CDH4: variants seen among roughly 807,000 people sequenced by gnomAD.
CDH4 encodes cadherin 4, also known as cadherin-4.
Under a neutral mutation model 86.0 loss-of-function variants are expected in CDH4, and 33 were observed. That is an observed-to-expected ratio of 0.38 (90% CI 0.29 to 0.51). CDH4 has a LOEUF of 0.51. CDH4 is among the 20% of genes least tolerant of loss of function. The pLI, the probability that CDH4 is intolerant of heterozygous loss-of-function variation, is 0.86. For synonymous variants in CDH4, 555 were observed against 549.4 expected (o/e 1.01, Z -0.14); for missense variants, 1,114 against 1,307.4 (o/e 0.85, Z 2.28).
chr20:61,684,584 G>C lies in CDH4; in HGVS notation c.170-58979G>C, dbSNP rs969862838. The stretch of plus-strand genomic sequence containing the variant: ...GCTGGGAATCCTGGGCTCCGTCCTG[G>C]GGGCTGAAAGGCTCCTGGGGGTTCA... On this transcript the variant is annotated intron_variant, in intron 2 of 15. Transcript: ENST00000614565. The surrounding 1 kb of genome is among the most constrained non-coding windows in gnomAD (Gnocchi z 4.5). Among the ~76,000 whole-genome samples, 4 of 152,160 alleles carry C rather than the reference G, an allele frequency of 2.6e-5. No homozygotes were observed. The highest frequency in any genetic ancestry group is 9.7e-5 in the African/African-American group (4 of 41,422).
At chr20:61,563,737 C>T (rs1159053262) in intron 2 of CDH4, among the ~76,000 whole-genome samples, 1 of 152,222 alleles carries the variant, frequency 6.6e-6, no homozygotes, top group African/African-American at 2.4e-5. Flanking sequence ...AACACAGGGA[C>T]AGCTCACCTT....
intron 4 of CDH4, among the ~76,000 whole-genome samples, chr20:61,843,068 T>A (rs1323401960): frequency 6.6e-6 from 1 of 152,210 alleles, no homozygotes; most frequent in Non-Finnish European, 1.5e-5. Context: ...ATTGTATCAT[T>A]TCAGTAAAAG....
intron 2 of CDH4, among the ~76,000 whole-genome samples, chr20:61,543,950 C>A (rs910771224): frequency 1.3e-5 from 2 of 152,214 alleles, no homozygotes; most frequent in African/African-American, 4.8e-5. Flanking sequence ...TTTCTGTCAT[C>A]TGCAAAGATA....
chr20:61,929,790 T>C lies in CDH4; in HGVS notation c.2187T>C (p.Gly729=), dbSNP rs141617263. Reference sequence around the variant, plus strand: ...CCATTGGCGCAGTGGCAGCGGCTGGTCTGGGCACCGGTGCCATCGTGGCCA... The same window carrying C: ...CCATTGGCGCAGTGGCAGCGGCTGGCCTGGGCACCGGTGCCATCGTGGCCA... ...CTTIGAVAAA[G]LGTGAIVAIL... Residue 729 remains glycine, a synonymous_variant, in exon 13 of 16, where the codon GGT becomes GGC. Transcript: ENST00000614565. 142 of 1,613,576 alleles carry C rather than the reference T, an allele frequency of 8.8e-5. No individual in the cohort carries two copies. The highest frequency in any genetic ancestry group is 1.1e-4 in the Non-Finnish European group (131 of 1,180,034).
chr20:61,735,086 G>A (rs756720562), intron 2 of CDH4, among the ~76,000 whole-genome samples: 2 of 152,106 alleles, frequency 1.3e-5, no homozygotes, highest in Non-Finnish European at 2.9e-5. Flanking sequence ...GAGGGGTCGT[G>A]GAGGAGGGAC....
chr20:61,749,474 A>G (rs924121899), intron 3 of CDH4, among the ~76,000 whole-genome samples: 4 of 152,254 alleles, frequency 2.6e-5, no homozygotes, highest in Admixed American at 2.0e-4. Context: ...AACATACTTC[A>G]TAGCCTTCAA....
At chr20:61,444,068 G>C (rs200287890) in intron 2 of CDH4, among the ~76,000 whole-genome samples, 1 of 32,974 alleles carries the variant, frequency 3.0e-5, no homozygotes. Context: ...GTCTGTGTGT[G>C]TGTCTGTGTG....
chr20:61,305,887 C>T (rs761129080), intron 2 of CDH4, among the ~76,000 whole-genome samples: 4 of 152,302 alleles, frequency 2.6e-5, no homozygotes, highest in Admixed American at 6.5e-5. Context: ...GAGTGAAGAT[C>T]GGCCCACGGA....
At chr20:61,477,980 A>G (rs1278444169) in intron 2 of CDH4, among the ~76,000 whole-genome samples, 2 of 152,212 alleles carry the variant, frequency 1.3e-5, no homozygotes, top group Non-Finnish European at 2.9e-5. Flanking sequence ...AGACACCAAC[A>G]TAGTTTATGA....
At chr20:61,444,803 A>T (rs2085338478) in intron 2 of CDH4, among the ~76,000 whole-genome samples, 2 of 136,734 alleles carry the variant, frequency 1.5e-5, no homozygotes, top group East Asian at 2.2e-4. Context: ...ATCCGTATGT[A>T]TGTGTATCTT....
intron 2 of CDH4, among the ~76,000 whole-genome samples, chr20:61,466,064 G>C (rs2427119): frequency 6.6e-6 from 1 of 151,904 alleles, no homozygotes; most frequent in Non-Finnish European, 1.5e-5. Context: ...AGCTCACCAC[G>C]TGGATTGCAT....
Position 61,443,898 on chromosome 20 carries a change from G to C in CDH4, c.169+188961G>C, listed in dbSNP as rs1197379882. 2.6e-5 allele frequency among the ~76,000 whole-genome samples: 4 copies of C among 151,588 alleles called. No individual in the cohort carries two copies. The East Asian group carries it at 7.7e-4, about 29-fold the overall frequency. ...TCTCTGTGTGTCTGTGTATGTGTCT[G>C]TGTGTGTGTATGTCTGTATCTCTGT... On this transcript the variant is annotated intron_variant, in intron 2 of 15. Coordinates refer to ENST00000614565, the MANE Select transcript of CDH4 (RefSeq NM_001794.5).
intron 3 of CDH4, 95 bp from the exon 4 acceptor site, chr20:61,772,908 C>T: frequency 9.1e-7 from 1 of 1,094,768 alleles, no homozygotes; most frequent in Non-Finnish European, 1.3e-6. Flanking sequence ...CCCTCTCAGT[C>T]TCGGGCAGTA....
Position 61,326,027 on chromosome 20 carries a change from G to A in CDH4, c.169+71090G>A, listed in dbSNP as rs149306701. Among the ~76,000 whole-genome samples, 24 of 152,282 alleles carry A rather than the reference G, an allele frequency of 1.6e-4. No individual in the cohort carries two copies. The South Asian group carries it at 1.9e-3, about 12-fold the overall frequency. On this transcript the variant is annotated intron_variant, in intron 2 of 15. Transcript: ENST00000614565. Reference sequence around the variant, plus strand: ...AGGAGCTGCCTGTCCTAATATACCCGTGATAGTAGTGGGAGTGGAACTCAC... The same window carrying A: ...AGGAGCTGCCTGTCCTAATATACCCATGATAGTAGTGGGAGTGGAACTCAC...
chr20:61,421,863 A>G (rs930809358), intron 2 of CDH4, among the ~76,000 whole-genome samples: 3 of 152,164 alleles, frequency 2.0e-5, no homozygotes, highest in Non-Finnish European at 4.4e-5. Flanking sequence ...TTCTAACTCA[A>G]CCCATGCTCA....
chr20:61,560,578 G>A (rs903069214), intron 2 of CDH4, among the ~76,000 whole-genome samples: 5 of 152,300 alleles, frequency 3.3e-5, no homozygotes, highest in South Asian at 2.1e-4. Flanking sequence ...TACTTACCCC[G>A]CCCTGCACTC....
intron 2 of CDH4, among the ~76,000 whole-genome samples, chr20:61,640,981 G>C (rs1600831436): frequency 6.6e-6 from 1 of 152,144 alleles, no homozygotes; most frequent in East Asian, 1.9e-4. Context: ...CATTCTGGAG[G>C]GTGGTAGCTG....
intron 2 of CDH4, among the ~76,000 whole-genome samples, chr20:61,279,594 T>G (rs1257837660): frequency 6.6e-6 from 1 of 152,214 alleles, no homozygotes; most frequent in Non-Finnish European, 1.5e-5. Context: ...TCACCCTCAG[T>G]GTCCCCAGGG....
At chr20:61,304,478 G>A (rs1030010991) in intron 2 of CDH4, among the ~76,000 whole-genome samples, 30 of 152,086 alleles carry the variant, frequency 2.0e-4, no homozygotes, top group East Asian at 5.8e-4. Context: ...GCCTTTGGTC[G>A]TGTTGTGTGT....
Sources: allele counts gnomAD v4.1 joint callset (sites outside exome capture counted in the v4.1 genomes callset), GRCh38; gene constraint gnomAD v4.1.1; non-coding constraint Gnocchi (gnomAD v3.1); transcripts MANE v1.5; gene names NCBI Gene and HGNC (gene_info 2026-07-23, HGNC 2026-07-21).